Variants in THSD4 observed in about 807,000 individuals in gnomAD.
The protein encoded by THSD4 is thrombospondin type-1 domain-containing protein 4.
A neutral mutation model predicts 119.0 loss-of-function variants in THSD4; 69 were observed. The observed-to-expected ratio is 0.58, with a 90% CI of 0.48 to 0.71. The LOEUF (loss-of-function observed/expected upper bound fraction) is 0.71, where lower values mean the gene tolerates loss of function less well. THSD4 is among the 30% of genes least tolerant of loss of function. The pLI is 0.00. For synonymous variants in THSD4, 524 were observed against 540.4 expected, an observed-to-expected ratio of 0.97 and a Z score of 0.42; for missense variants, 1,393 against 1,391.1, an observed-to-expected ratio of 1.00 and a Z score of -0.02.
intron 7 of THSD4, among the ~76,000 whole-genome samples, chr15:71,425,296 G>A (rs1293963608): frequency 2.0e-5 from 3 of 152,096 alleles, no homozygotes; most frequent in Non-Finnish European, 4.4e-5. Flanking sequence ...TGCTACATAG[G>A]GTTTATTATT....
intron 7 of THSD4, among the ~76,000 whole-genome samples, chr15:71,433,965 G>T (rs1219183225): frequency 6.6e-6 from 1 of 152,026 alleles, no homozygotes; most frequent in Admixed American, 6.6e-5. Context: ...TTAGCTCACA[G>T]ACAAAACAAA....
intron 6 of THSD4, among the ~76,000 whole-genome samples, chr15:71,262,351 A>G (rs111498573): frequency 0.023 from 3,454 of 152,250 alleles, 54 homozygotes; most frequent in African/African-American, 0.046. Flanking sequence ...GGACAGTGAT[A>G]GTTTATGCCT....
intron 1 of THSD4, among the ~76,000 whole-genome samples, chr15:71,123,017 T>C (rs1328839497): frequency 6.6e-6 from 1 of 152,232 alleles, no homozygotes; most frequent in Non-Finnish European, 1.5e-5. Context: ...GTTTTCTGCC[T>C]ACCCTTCCTT....
At chr15:71,495,722 AGAG>A (rs1301775546) in intron 7 of THSD4, among the ~76,000 whole-genome samples, 11 of 152,212 alleles carry the variant, frequency 7.2e-5, no homozygotes, top group Admixed American at 6.5e-4. Flanking sequence ...TGTGGGCTGT[AGAG>A]GAGAAAGTCT....
At chr15:71,654,296 G>T (rs955635743) in intron 7 of THSD4, among the ~76,000 whole-genome samples, 19 of 152,156 alleles carry the variant, frequency 1.2e-4, no homozygotes, top group African/African-American at 4.3e-4. Context: ...GTTGAAGTTG[G>T]CTCAGGAAAC....
chr15:71,455,302 G>A (rs117797567), intron 7 of THSD4, among the ~76,000 whole-genome samples: 2,723 of 152,288 alleles, frequency 0.018, 48 homozygotes, highest in Non-Finnish European at 0.027. Context: ...AGGGCTTAGG[G>A]TGTCAGGTTG....
intron 11 of THSD4, among the ~76,000 whole-genome samples, chr15:71,741,301 G>C (rs1269485424): frequency 6.6e-6 from 1 of 152,020 alleles, no homozygotes; most frequent in Admixed American, 6.6e-5. Context: ...GAGCAGCCTG[G>C]CCAACGTGGC....
intron 7 of THSD4, among the ~76,000 whole-genome samples, chr15:71,633,205 CT>C (rs905372201): frequency 1.7e-4 from 26 of 151,794 alleles, no homozygotes; most frequent in Non-Finnish European, 7.4e-5. Flanking sequence ...ACAGGTCTAA[CT>C]GGGGGAATAT....
intron 7 of THSD4, among the ~76,000 whole-genome samples, chr15:71,570,773 C>T (rs1010374918): frequency 6.6e-6 from 1 of 152,120 alleles, no homozygotes; most frequent in East Asian, 1.9e-4. Context: ...CCTTCTTCTC[C>T]CTAGAGTGGC....
chr15:71,677,244 A>G (rs2051671455), intron 8 of THSD4, among the ~76,000 whole-genome samples: 1 of 152,206 alleles, frequency 6.6e-6, no homozygotes, highest in Non-Finnish European at 1.5e-5. Flanking sequence ...TAAGTCACAA[A>G]CAACTCAAAG....
At chr15:71,185,176 G>A (rs1227903583) in intron 3 of THSD4, among the ~76,000 whole-genome samples, 2 of 151,682 alleles carry the variant, frequency 1.3e-5, no homozygotes, top group East Asian at 3.8e-4. Context: ...GTCACTTTTA[G>A]TACACATTCA....
chr15:71,251,416 G>A (rs1219359933), intron 5 of THSD4, among the ~76,000 whole-genome samples: 1 of 152,150 alleles, frequency 6.6e-6, no homozygotes, highest in Admixed American at 6.5e-5. Context: ...AAAACCCCTG[G>A]GGATTGGGGC....
intron 1 of THSD4, among the ~76,000 whole-genome samples, chr15:71,135,511 C>T (rs2040543121): frequency 6.6e-6 from 1 of 152,108 alleles, no homozygotes; most frequent in Non-Finnish European, 1.5e-5. Context: ...TCTCCTGTGC[C>T]TGCCATTGTC....
In THSD4 at chr15:71,628,934, T is replaced by C. The variant is rs190608008; in HGVS notation, c.1153-31596T>C. On this transcript the variant is annotated intron_variant, in intron 7 of 17. Transcript: ENST00000261862. ...CATCCAGCCATCTAACTAATATTTA[T>C]TGAGTGCCTATGGTGAGCTGGAGAC... Among the ~76,000 whole-genome samples the C allele has an allele frequency of 5.9e-5, 9 of 152,300 alleles. No individual in the cohort carries two copies. The East Asian group carries it at 1.4e-3, about 23-fold the overall frequency.
chr15:71,167,279 G>A (rs1280151084), intron 3 of THSD4: 1 of 152,242 alleles, frequency 6.6e-6, no homozygotes, highest in African/African-American at 2.4e-5. Flanking sequence ...TAGGCTTTCT[G>A]TGCTATAAAG....
At position 71,731,335 on chromosome 15, in the gene THSD4, C is replaced by T. The variant is rs148227721; in HGVS notation, c.1630+118C>T. On this transcript the variant is annotated intron_variant, in intron 10 of 17. Coordinates refer to ENST00000261862, the MANE Select transcript of THSD4 (RefSeq NM_024817.3). ...GGTCAACACAGAGAAAATTGAGGGACGCATATTTCAAAGCCAAGGGGCCTT... is the reference window on the plus strand; with the variant it reads ...GGTCAACACAGAGAAAATTGAGGGATGCATATTTCAAAGCCAAGGGGCCTT... The T allele has an allele frequency of 1.1e-4, 109 of 1,010,258 alleles. 1 individual carries two copies. The highest frequency in any genetic ancestry group is 9.8e-4 in the African/African-American group (61 of 62,462). The allele number at this position is 1,010,258 out of a possible 1,614,324, so 62.6% of individuals were successfully genotyped here. A position where few individuals can be genotyped will look rare whatever the true frequency, so the allele number is the denominator to read the frequency against.
At chr15:71,347,449 A>G (rs911773688) in intron 6 of THSD4, among the ~76,000 whole-genome samples, 1 of 152,020 alleles carries the variant, frequency 6.6e-6, no homozygotes, top group East Asian at 1.9e-4. Flanking sequence ...CTGAACACAC[A>G]CTTGTAAAGG....
At chr15:71,335,581 CGGGTGCGAGAGAA>C (rs1263443775) in intron 6 of THSD4, among the ~76,000 whole-genome samples, 2 of 152,038 alleles carry the variant, frequency 1.3e-5, no homozygotes, top group African/African-American at 4.8e-5. Context: ...ATGTCTGTCA[CGGGTGCGAGAGAA>C]GGGTGGGAGG....
At chr15:71,610,361 A>G (rs1254544723) in intron 7 of THSD4, among the ~76,000 whole-genome samples, 1 of 152,114 alleles carries the variant, frequency 6.6e-6, no homozygotes, top group Non-Finnish European at 1.5e-5. Context: ...AGGATGTCAC[A>G]TTTCATAGAT....
Sources: allele counts gnomAD v4.1 joint callset (sites outside exome capture counted in the v4.1 genomes callset), GRCh38; gene constraint gnomAD v4.1.1; transcripts MANE v1.5; gene names NCBI Gene and HGNC (gene_info 2026-07-23, HGNC 2026-07-21).